MMP16: variants seen among roughly 807,000 people sequenced by gnomAD.
The protein encoded by MMP16 is matrix metallopeptidase 16.
MMP16 carries 12 observed loss-of-function variants against 67.8 expected under a neutral mutation model. The ratio of observed to expected loss-of-function variants is 0.18; its 90% confidence interval spans 0.11 to 0.29. The LOEUF is 0.29. Among genes scored for constraint, MMP16 ranks in the 10% least tolerant of loss-of-function variants. MMP16 has a pLI of 1.00. For missense variants in MMP16, 475 were observed against 765.7 expected (o/e 0.62, Z 4.48); for synonymous variants, 249 against 255.9 (o/e 0.97, Z 0.26).
chr8:88,116,649 G>A lies in MMP16; in HGVS notation c.941C>T (p.Pro314Leu). Residue 314 changes from proline (P) to leucine (L), a missense_variant, in exon 6 of 10, where the codon CCG (proline) becomes CTG (leucine). Around this residue, in one of 5 missense-constraint regions of MMP16, gnomAD observed 195 missense variants for 300.9 expected, o/e 0.65. Coordinates refer to ENST00000286614, the MANE Select transcript of MMP16 (RefSeq NM_005941.5). ...PTVPPHRSIPPADPRKNDRPK... is the reference protein window; with the variant it reads ...PTVPPHRSIPLADPRKNDRPK... ...CCTGTCATTTTTCCTTGGGTCAGCCGGAGGAATAGAGCGGTGTGGGGGCAC... is the reference window on the plus strand; with the variant it reads ...CCTGTCATTTTTCCTTGGGTCAGCCAGAGGAATAGAGCGGTGTGGGGGCAC... 2 of 1,613,832 alleles carry A rather than the reference G, an allele frequency of 1.2e-6. No individual in the cohort carries two copies. Among genetic ancestry groups the A allele is most frequent in the South Asian group, 1.1e-5 (1 of 91,078 alleles).
chr8:88,190,969 A>T (rs1809161065), intron 2 of MMP16, among the ~76,000 whole-genome samples: 1 of 152,222 alleles, frequency 6.6e-6, no homozygotes, highest in Admixed American at 6.5e-5. Flanking sequence ...AAACAAAGAC[A>T]TGGGGAAGGG....
At chr8:88,093,772 T>C (rs1808979427) in intron 6 of MMP16, among the ~76,000 whole-genome samples, 2 of 151,886 alleles carry the variant, frequency 1.3e-5, no homozygotes, top group South Asian at 4.1e-4. Flanking sequence ...AATGCTGACA[T>C]GTTATACCCT....
chr8:88,290,394 A>T (rs751651836), intron 1 of MMP16, among the ~76,000 whole-genome samples: 6 of 152,212 alleles, frequency 3.9e-5, no homozygotes, highest in Non-Finnish European at 7.4e-5. Flanking sequence ...CTACTAAAAA[A>T]TACAAAAAAT....
intron 8 of MMP16, among the ~76,000 whole-genome samples, chr8:88,055,193 G>GT (rs759432692): frequency 1.3e-5 from 2 of 151,930 alleles, no homozygotes; most frequent in Non-Finnish European, 2.9e-5. Flanking sequence ...AAAAGCTACT[G>GT]TAAGGGTTTT....
At chr8:88,296,089 T>C (rs1811009048) in intron 1 of MMP16, among the ~76,000 whole-genome samples, 1 of 152,198 alleles carries the variant, frequency 6.6e-6, no homozygotes, top group South Asian at 2.1e-4. Context: ...TAATCCAATA[T>C]TTTTTGCCAC....
chr8:88,141,403 A>G (rs1207954390), intron 4 of MMP16, among the ~76,000 whole-genome samples: 4 of 150,294 alleles, frequency 2.7e-5, no homozygotes, highest in African/African-American at 1.0e-4. Flanking sequence ...GGTCAAGGTG[A>G]AAAAAATCAG....
At chr8:88,188,804 C>T (rs554071538) in intron 2 of MMP16, among the ~76,000 whole-genome samples, 16 of 152,012 alleles carry the variant, frequency 1.1e-4, no homozygotes, top group South Asian at 4.1e-4. Context: ...TACAGGCATG[C>T]GCCACCACAC....
chr8:88,176,129 T>C (rs1808886600), intron 3 of MMP16, among the ~76,000 whole-genome samples: 1 of 152,190 alleles, frequency 6.6e-6, no homozygotes, highest in South Asian at 2.1e-4. Flanking sequence ...TGGATCTAAG[T>C]AACTTGCAGG....
At chr8:88,126,968 TCAACAAACCTTA>T (rs1257109282) in intron 4 of MMP16, among the ~76,000 whole-genome samples, 1 of 151,854 alleles carries the variant, frequency 6.6e-6, no homozygotes, top group African/African-American at 2.4e-5. Context: ...ATTCCTGTAA[TCAACAAACCTTA>T]CAACAAACTT....
At chr8:88,256,008 G>A (rs1810295458) in intron 1 of MMP16, among the ~76,000 whole-genome samples, 1 of 152,080 alleles carries the variant, frequency 6.6e-6, no homozygotes, top group Non-Finnish European at 1.5e-5. Flanking sequence ...TCTCAAGGTT[G>A]TCCCAGCTTA....
chr8:88,155,576 C>T (rs539629039), intron 4 of MMP16, among the ~76,000 whole-genome samples: 1 of 152,168 alleles, frequency 6.6e-6, no homozygotes, highest in African/African-American at 2.4e-5. Flanking sequence ...CCTACTCTTC[C>T]ACCATCCTTT....
intron 1 of MMP16, among the ~76,000 whole-genome samples, chr8:88,310,085 G>A (rs969469847): frequency 6.6e-6 from 1 of 151,884 alleles, no homozygotes; most frequent in Non-Finnish European, 1.5e-5. Flanking sequence ...TGAAGTTGCT[G>A]TTCAATAATA....
At chr8:88,171,852 A>C (rs1202329420) in intron 3 of MMP16, among the ~76,000 whole-genome samples, 1 of 148,988 alleles carries the variant, frequency 6.7e-6, no homozygotes, top group Non-Finnish European at 1.5e-5. Flanking sequence ...TTTGAGACGG[A>C]GTCTCATTCT....
chr8:88,101,928 G>A (rs17721118), intron 6 of MMP16, among the ~76,000 whole-genome samples: 27,820 of 151,730 alleles, frequency 0.18, 2,986 homozygotes, highest in Middle Eastern at 0.26. Context: ...ATTTGAAGAT[G>A]AGCCTCATTA....
chr8:88,139,671 AG>A (rs1394730869), intron 4 of MMP16, among the ~76,000 whole-genome samples: 1 of 152,122 alleles, frequency 6.6e-6, no homozygotes, highest in Non-Finnish European at 1.5e-5. Flanking sequence ...ATTTTTATAT[AG>A]CCATTAATTA....
chr8:88,149,961 T>G (rs1192301776), intron 4 of MMP16, among the ~76,000 whole-genome samples: 1 of 109,304 alleles, frequency 9.1e-6, no homozygotes, highest in East Asian at 2.6e-4. Flanking sequence ...TTGAAAACTT[T>G]GAAAAAAATT....
intron 9 of MMP16, among the ~76,000 whole-genome samples, chr8:88,044,432 C>T (rs552005437): frequency 6.6e-6 from 1 of 152,314 alleles, no homozygotes; most frequent in South Asian, 2.1e-4. Context: ...CTGCAAAATT[C>T]ATCTTGCTCA....
Position 88,041,568 on chromosome 8 carries a change from A to C in MMP16, c.1717T>G (p.Leu573Val). 2 of 1,614,184 alleles carry C rather than the reference A, an allele frequency of 1.2e-6. No individual in the cohort carries two copies. Among genetic ancestry groups the C allele is most frequent in the South Asian group, 2.2e-5 (2 of 91,086 alleles). Residue 573 changes from leucine (L) to valine (V), a missense_variant, in exon 10 of 10, where the codon TTG becomes GTG. Around this residue, in one of 5 missense-constraint regions of MMP16, gnomAD observed 80 missense variants for 93.4 expected, o/e 0.86. Transcript: ENST00000286614. The surrounding 1 kb of genome is among the most constrained non-coding windows in gnomAD (Gnocchi z 6.0). ...KAIAIVIPCI[L>V]ALCLLVLVYT... ...ACCAATACAAGGAGGCATAAGGCCA[A>C]GATGCAGGGAATGACAATAGCTATG...
At chr8:88,054,231 T>C (rs1808304983) in intron 8 of MMP16, among the ~76,000 whole-genome samples, 1 of 152,176 alleles carries the variant, frequency 6.6e-6, no homozygotes, top group South Asian at 2.1e-4. Flanking sequence ...CCATTTTCTG[T>C]CCCCTAGTAG....
Sources: gnomAD v4.1 joint callset for allele counts (sites outside exome capture counted in the v4.1 genomes callset) on GRCh38, gnomAD v4.1.1 for gene constraint, gnomAD v4.1.1 regional missense constraint, Gnocchi (gnomAD v3.1) non-coding constraint, MANE v1.5 for transcripts, NCBI Gene and HGNC (gene_info 2026-07-23, HGNC 2026-07-21) for gene names.